SESN3: variants seen among roughly 807,000 people sequenced by gnomAD.
SESN3 encodes sestrin 3, also known as sestrin-3.
SESN3 carries 21 observed loss-of-function variants against 55.3 expected under a neutral mutation model. The ratio of observed to expected loss-of-function variants is 0.38; its 90% confidence interval spans 0.27 to 0.55. SESN3 has a LOEUF of 0.55. Ranked by LOEUF, SESN3 falls within the 20% of genes least tolerant of loss-of-function variation. The probability of loss-of-function intolerance (pLI) is 0.76; values close to 1 mark genes in which losing one functional copy is unlikely to be tolerated. For synonymous variants in SESN3, 181 were observed against 203.1 expected (o/e 0.89, Z 0.93); for missense variants, 408 against 604.3 (o/e 0.68, Z 3.41).
In SESN3 at chr11:95,230,885, A is replaced by G. The variant is rs1861047046; in HGVS notation, c.-25T>C. 6.5e-7 allele frequency: 1 copy of G among 1,534,720 alleles called. No homozygotes were observed. The highest frequency in any genetic ancestry group is 8.7e-7 in the Non-Finnish European group (1 of 1,146,710). The stretch of plus-strand genomic sequence containing the variant: ...TCGTGGCTGCGGGCGCCGAGGCGAG[A>G]GCGGGCGGAGGGCCGGGTCCGGGCT... On this transcript the variant is annotated 5_prime_UTR_variant, in exon 1 of 10. Coordinates refer to ENST00000536441, the MANE Select transcript of SESN3 (RefSeq NM_144665.4). The surrounding 1 kb of genome is among the most constrained non-coding windows in gnomAD (Gnocchi z 4.6).
intron 1 of SESN3, among the ~76,000 whole-genome samples, chr11:95,222,031 G>C (rs1335166815): frequency 6.6e-6 from 1 of 152,194 alleles, no homozygotes; most frequent in Non-Finnish European, 1.5e-5. Context: ...GGCTAAGCCA[G>C]AATTCTAGAG....
At chr11:95,214,257 A>G (rs1346891467) in intron 1 of SESN3, among the ~76,000 whole-genome samples, 3 of 152,230 alleles carry the variant, frequency 2.0e-5, no homozygotes, top group Non-Finnish European at 4.4e-5. Context: ...TTGGAATTAA[A>G]GTGGGGTAAT....
rs761844192 is a variant in SESN3 at position 95,166,103 on chromosome 11, C to T, written c.*7152G>A. 9.9e-5 allele frequency: 15 copies of T among 151,902 alleles called. No individual in the cohort carries two copies. Among genetic ancestry groups the T allele is most frequent in the African/African-American group, 2.2e-4 (9 of 41,348 alleles). 9.4% of individuals were successfully genotyped at this position (151,902 alleles called of 1,614,324 possible). ...ATTTTCAGAATTGAAACTATAAGAC[C>T]GCCATTTGACACTGAAACTTGCGTG... On this transcript the variant is annotated 3_prime_UTR_variant, in exon 10 of 10. Transcript: ENST00000536441.
At chr11:95,212,198 T>C (rs1367702621) in intron 1 of SESN3, among the ~76,000 whole-genome samples, 1 of 152,140 alleles carries the variant, frequency 6.6e-6, no homozygotes, top group African/African-American at 2.4e-5. Flanking sequence ...TTCCATACAG[T>C]AATGTATTAA....
chr11:95,200,085 A>C lies in SESN3; in HGVS notation c.79-6563T>G, dbSNP rs1455881617. On this transcript the variant is annotated intron_variant, in intron 1 of 9. Transcript: ENST00000536441. The stretch of plus-strand genomic sequence containing the variant: ...AAAGCCAATTGAAATGGTCTATACA[A>C]ATAGTAAATTCAGTTTTTGACCCTC... 2.0e-5 allele frequency among the ~76,000 whole-genome samples: 3 copies of C among 152,100 alleles called. No homozygotes were observed. The East Asian group carries it at 5.8e-4, about 29-fold the overall frequency.
chr11:95,231,166 T>G lies in SESN3; in HGVS notation c.-306A>C, dbSNP rs1215116502. Reference sequence around the variant, plus strand: ...GGCTAGGACGAGCAGCCGCCACCGCTGCCACCGCCACCACCGCCGCCGCAG... The same window carrying G: ...GGCTAGGACGAGCAGCCGCCACCGCGGCCACCGCCACCACCGCCGCCGCAG... On this transcript the variant is annotated 5_prime_UTR_variant, in exon 1 of 10. Transcript: ENST00000536441. 1 of 283,912 alleles carries G rather than the reference T, an allele frequency of 3.5e-6. No homozygotes were observed. The highest frequency in any genetic ancestry group is 3.0e-5 in the African/African-American group (1 of 32,942). The allele number at this position is 283,912 out of a possible 1,614,324, so 17.6% of individuals were successfully genotyped here.
At position 95,178,739 on chromosome 11, in the gene SESN3, C is replaced by T; in HGVS notation, c.1027G>A (p.Glu343Lys). The T allele has an allele frequency of 6.2e-7, 1 of 1,610,900 alleles. No individual in the cohort carries two copies. The highest frequency in any genetic ancestry group is 8.5e-7 in the Non-Finnish European group (1 of 1,177,092). The change falls in exon 7 of 10, where the codon GAA becomes AAA. Residue 343 changes from glutamate (E) to lysine (K), a missense_variant. Glu to Lys is a moderately conservative substitution (Grantham distance 56). This residue lies in a region of SESN3 where 121 missense variants were observed against 204.9 expected (regional missense o/e 0.59). Transcript: ENST00000536441. ...FGYEDFARRG[E>K]EHLPTFRAQD... ...GCTCGGAATGTTGGCAAATGCTCTT[C>T]TCCTCGTCTGGCAAAGTCTTCATAC...
At chr11:95,192,703 A>G (rs1860290485) in intron 2 of SESN3, among the ~76,000 whole-genome samples, 1 of 152,162 alleles carries the variant, frequency 6.6e-6, no homozygotes, top group South Asian at 2.1e-4. Context: ...ATGTTTGAAA[A>G]GTATAAATTG....
chr11:95,209,763 T>C (rs971620349), intron 1 of SESN3, among the ~76,000 whole-genome samples: 1 of 150,986 alleles, frequency 6.6e-6, no homozygotes, highest in Admixed American at 6.6e-5. Context: ...ACACCTGTAA[T>C]CTCAGCACTT....
At position 95,169,745 on chromosome 11, in the gene SESN3, T is replaced by G. The variant is rs1859815189; in HGVS notation, c.*3510A>C. 2.0e-5 allele frequency: 3 copies of G among 152,158 alleles called. No homozygotes were observed. The South Asian group carries it at 6.2e-4, about 32-fold the overall frequency. 9.4% of individuals were successfully genotyped at this position (152,158 alleles called of 1,614,324 possible). ...TCTTTAATTGTTGATCATTTTATTTTGCTGTGGCACAGAAATCTAAGATTT... is the reference window on the plus strand; with the variant it reads ...TCTTTAATTGTTGATCATTTTATTTGGCTGTGGCACAGAAATCTAAGATTT... On this transcript the variant is annotated 3_prime_UTR_variant, in exon 10 of 10. Coordinates refer to ENST00000536441, the MANE Select transcript of SESN3 (RefSeq NM_144665.4).
chr11:95,222,452 T>C (rs1438614949), intron 1 of SESN3, among the ~76,000 whole-genome samples: 2 of 152,176 alleles, frequency 1.3e-5, no homozygotes, highest in African/African-American at 2.4e-5. Flanking sequence ...AATAAAGCCA[T>C]AGAAGAACAG....
chr11:95,165,588 A>G lies in SESN3; in HGVS notation c.*7667T>C, dbSNP rs571946262. On this transcript the variant is annotated 3_prime_UTR_variant, in exon 10 of 10. Coordinates refer to ENST00000536441, the MANE Select transcript of SESN3 (RefSeq NM_144665.4). ...TATTGAACCAATAAAATTCCTACTA[A>G]TAACAATGAAATAAATTTCTGCAAG... 6.6e-6 allele frequency: 1 copy of G among 152,318 alleles called. No individual in the cohort carries two copies. Among genetic ancestry groups the G allele is most frequent in the African/African-American group, 2.4e-5 (1 of 41,578 alleles). 9.4% of individuals were successfully genotyped at this position (152,318 alleles called of 1,614,324 possible).
chr11:95,177,524 C>T (rs1057216437), intron 8 of SESN3, among the ~76,000 whole-genome samples, 195 bp downstream of exon 8: 4 of 152,076 alleles, frequency 2.6e-5, no homozygotes, highest in African/African-American at 9.7e-5. Flanking sequence ...ACTATATTTA[C>T]ATGTGCATCA....
chr11:95,229,791 G>A (rs888732715), intron 1 of SESN3, among the ~76,000 whole-genome samples: 3 of 152,140 alleles, frequency 2.0e-5, no homozygotes, highest in Admixed American at 1.3e-4. Flanking sequence ...GCACAGCTCA[G>A]CAATTTTAAT....
intron 1 of SESN3, among the ~76,000 whole-genome samples, chr11:95,223,278 TTC>T (rs1412436653): frequency 6.6e-6 from 1 of 152,108 alleles, no homozygotes; most frequent in East Asian, 1.9e-4. Flanking sequence ...GCATTAATAG[TTC>T]TGTCTCTTCT....
intron 1 of SESN3, among the ~76,000 whole-genome samples, chr11:95,211,222 G>T (rs1860649339): frequency 6.6e-6 from 1 of 152,130 alleles, no homozygotes; most frequent in Non-Finnish European, 1.5e-5. Context: ...GCCCCTCGTT[G>T]TTCATTCTGT....
intron 1 of SESN3, among the ~76,000 whole-genome samples, chr11:95,198,723 A>T (rs1860408922): frequency 6.6e-6 from 1 of 152,216 alleles, no homozygotes; most frequent in African/African-American, 2.4e-5. Flanking sequence ...TTTAGAGTTC[A>T]ATTGTACTAG....
In SESN3 at chr11:95,173,151, A is replaced by C; in HGVS notation, c.*104T>G. On this transcript the variant is annotated 3_prime_UTR_variant, in exon 10 of 10. Transcript: ENST00000536441. Reference sequence around the variant, plus strand: ...AAAAAACAAACGGCTAAACTTTGACACTAGAGAACTGAATAATTTTTGATG... The same window carrying C: ...AAAAAACAAACGGCTAAACTTTGACCCTAGAGAACTGAATAATTTTTGATG... 1 of 607,450 alleles carries C rather than the reference A, an allele frequency of 1.6e-6. No homozygotes were observed. The highest frequency in any genetic ancestry group is 2.9e-6 in the Non-Finnish European group (1 of 350,058). 37.6% of individuals were successfully genotyped at this position (607,450 alleles called of 1,614,324 possible).
chr11:95,216,713 G>A (rs1405703501), intron 1 of SESN3, among the ~76,000 whole-genome samples: 1 of 150,346 alleles, frequency 6.7e-6, no homozygotes. Flanking sequence ...AAGGAAGTAA[G>A]ATAAAATCAC....
Sources: allele counts gnomAD v4.1 joint callset (sites outside exome capture counted in the v4.1 genomes callset), GRCh38; gene constraint gnomAD v4.1.1; regional missense constraint gnomAD v4.1.1; non-coding constraint Gnocchi (gnomAD v3.1); transcripts MANE v1.5; gene names NCBI Gene and HGNC (gene_info 2026-07-23, HGNC 2026-07-21).